The following HIVEP3 variants were observed in gnomAD, a reference collection of about 807,000 sequenced individuals.
HIVEP3 encodes the protein HIVEP zinc finger 3.
A neutral mutation model predicts 152.8 loss-of-function variants in HIVEP3; 49 were observed. The ratio of observed to expected loss-of-function variants is 0.32; its 90% CI spans 0.26 to 0.41. HIVEP3 has a LOEUF of 0.41. Among genes scored for constraint, HIVEP3 ranks in the 10% least tolerant of loss-of-function variants. HIVEP3 has a pLI of 1.00. For missense variants in HIVEP3, 2,790 were observed against 3,103.3 expected (o/e 0.90, Z 2.40); for synonymous variants, 1,269 against 1,289.0 (o/e 0.98, Z 0.33).
At chr1:41,628,673 G>T in intron 3 of HIVEP3, 76 bp downstream of exon 3, 1 of 1,055,236 alleles carries the variant, frequency 9.5e-7, no homozygotes, top group South Asian at 4.8e-5. Context: ...TTCAGAGGAA[G>T]AACTAAGCAA....
At chr1:41,649,246 G>C (rs1405244958) in intron 2 of HIVEP3, among the ~76,000 whole-genome samples, 2 of 152,226 alleles carry the variant, frequency 1.3e-5, no homozygotes, top group African/African-American at 4.8e-5. Context: ...GGGTTGGTAT[G>C]AATTGAAATG....
Position 41,580,801 on chromosome 1 carries a change from C to T in HIVEP3, c.3997G>A (p.Ala1333Thr), listed in dbSNP as rs149236887. Residue 1333 changes from alanine (A) to threonine (T), a missense_variant, in exon 4 of 9, where the codon GCA (alanine) becomes ACA (threonine). Ala to Thr is a moderately conservative substitution (Grantham distance 58). Around this residue, in one of 9 missense-constraint regions of HIVEP3, gnomAD observed 1,078 missense variants for 1,165.3 expected, o/e 0.93. Coordinates refer to ENST00000372583, the MANE Select transcript of HIVEP3 (RefSeq NM_024503.5). ...VQTNMPSYGSAMYTTLSQILV... is the reference protein window; with the variant it reads ...VQTNMPSYGSTMYTTLSQILV... ...ATCTGGGAAAGGGTGGTGTACATTG[C>T]GCTCCCATAGGACGGCATATTGGTC... 2.8e-5 allele frequency: 44 copies of T among 1,576,658 alleles called. No individual in the cohort carries two copies. The highest frequency in any genetic ancestry group is 4.0e-5 in the African/African-American group (3 of 74,162).
At chr1:41,975,370 G>A (rs1321133087) in intron 1 of HIVEP3, among the ~76,000 whole-genome samples, 1 of 152,162 alleles carries the variant, frequency 6.6e-6, no homozygotes, top group Non-Finnish European at 1.5e-5. Context: ...AAATGAATTT[G>A]TCCAAATCAC....
chr1:41,930,713 C>T (rs1644992443), intron 1 of HIVEP3, among the ~76,000 whole-genome samples: 1 of 152,102 alleles, frequency 6.6e-6, no homozygotes, highest in African/African-American at 2.4e-5. Context: ...GTGGTTGTAC[C>T]ATTGTGCATT....
chr1:41,511,202 G>A lies in HIVEP3; in HGVS notation c.6470C>T (p.Pro2157Leu), dbSNP rs1283520921. 1 of 1,613,980 alleles carries A rather than the reference G, an allele frequency of 6.2e-7. No homozygotes were observed. Among genetic ancestry groups the A allele is most frequent in the Non-Finnish European group, 8.5e-7 (1 of 1,179,982 alleles). Residue 2157 changes from proline (P) to leucine (L), a missense_variant, in exon 9 of 9, where the codon CCC becomes CTC. Around this residue, in one of 9 missense-constraint regions of HIVEP3, gnomAD observed 816 missense variants for 806.5 expected, o/e 1.01. Coordinates refer to ENST00000372583, the MANE Select transcript of HIVEP3 (RefSeq NM_024503.5). This position sits in a 1 kb window ranked among gnomAD's most constrained non-coding sequence, Gnocchi z 4.9. The stretch of plus-strand genomic sequence containing the variant: ...GTGGAAGTCATGGAGGGCGGAGAAG[G>A]GTCGGGAGGAGAGAGGATGAGCAGG... ...PGPAHPLSSR[P>L]FSALHDFHGH...
intron 1 of HIVEP3, among the ~76,000 whole-genome samples, chr1:41,900,853 G>C (rs1315315400): frequency 6.6e-6 from 1 of 152,164 alleles, no homozygotes; most frequent in Non-Finnish European, 1.5e-5. Flanking sequence ...TGGAGAAGTA[G>C]GCAGGGCCCA....
intron 1 of HIVEP3, among the ~76,000 whole-genome samples, chr1:41,977,525 T>C (rs754087771): frequency 2.0e-5 from 3 of 151,744 alleles, no homozygotes; most frequent in Non-Finnish European, 4.4e-5. Flanking sequence ...TCCCCCCATC[T>C]CTCCTGCAGC....
intron 2 of HIVEP3, among the ~76,000 whole-genome samples, chr1:41,634,667 C>G (rs1051069807): frequency 1.3e-5 from 2 of 151,978 alleles, no homozygotes; most frequent in Admixed American, 1.3e-4. Flanking sequence ...TGGAAAAAAG[C>G]AAATGGTAAC....
chr1:41,789,960 T>C (rs569186470), intron 1 of HIVEP3, among the ~76,000 whole-genome samples: 195 of 152,300 alleles, frequency 1.3e-3, no homozygotes, highest in Non-Finnish European at 2.5e-3. Context: ...AACACCCAGG[T>C]CAAATCCTCT....
At chr1:41,579,524 T>C (rs915396126) in intron 4 of HIVEP3, among the ~76,000 whole-genome samples, 3 of 152,378 alleles carry the variant, frequency 2.0e-5, no homozygotes, top group South Asian at 2.1e-4. Flanking sequence ...TTTATTGAAG[T>C]GTATCTATTC....
At chr1:41,763,218 A>G (rs1488227886) in intron 1 of HIVEP3, among the ~76,000 whole-genome samples, 1 of 152,214 alleles carries the variant, frequency 6.6e-6, no homozygotes, top group Non-Finnish European at 1.5e-5. Context: ...TCAAGGAGAC[A>G]TGCTGCTGAC....
rs189018707 is a variant in HIVEP3, at chr1:42,025,087, C to T, written n.119+10720G>A. Among the ~76,000 whole-genome samples, 81 of 152,284 alleles carry T rather than the reference C, an allele frequency of 5.3e-4. 1 individual carries two copies. The highest frequency in any genetic ancestry group is 1.9e-3 in the African/African-American group (77 of 41,574). On this transcript the variant is annotated intron_variant and non_coding_transcript_variant, in intron 1 of 3. Transcript: ENST00000489103. The stretch of plus-strand genomic sequence containing the variant: ...TCAATTCTGGAAAAAGCTCAAGCAT[C>T]GTCTCCTTGAATAGTTGTTTCTGCC...
At chr1:41,863,673 GATCTA>G (rs1244460719) in intron 1 of HIVEP3, among the ~76,000 whole-genome samples, 4 of 152,306 alleles carry the variant, frequency 2.6e-5, no homozygotes, top group African/African-American at 9.6e-5. Context: ...CGTCAAAATT[GATCTA>G]ACGGCACACA....
At chr1:41,799,634 A>T (rs1206129199) in intron 1 of HIVEP3, among the ~76,000 whole-genome samples, 1 of 152,138 alleles carries the variant, frequency 6.6e-6, no homozygotes, top group African/African-American at 2.4e-5. Flanking sequence ...ATCCCATTAG[A>T]TTCCCATCTC....
At chr1:41,788,066 C>T (rs1328690732) in intron 1 of HIVEP3, among the ~76,000 whole-genome samples, 1 of 152,194 alleles carries the variant, frequency 6.6e-6, no homozygotes, top group Non-Finnish European at 1.5e-5. Context: ...CGGTGCCACC[C>T]TCTGTCTACC....
At chr1:41,679,298 G>A (rs975512242) in intron 2 of HIVEP3, among the ~76,000 whole-genome samples, 4 of 152,200 alleles carry the variant, frequency 2.6e-5, no homozygotes, top group Non-Finnish European at 4.4e-5. Flanking sequence ...AACTCCCAGA[G>A]GCCAAGGTCC....
In HIVEP3 at chr1:41,887,630, A is replaced by G. The variant is rs142091727; in HGVS notation, c.-801+30783T>C. 2.4e-3 allele frequency among the ~76,000 whole-genome samples: 373 copies of G among 152,346 alleles called. 1 individual carries two copies. Among genetic ancestry groups the G allele is most frequent in the African/African-American group, 8.3e-3 (345 of 41,576 alleles). ...ATGATGAATTTGTAAACTGGATACCATCACTGCAGCCAGCACATGTGGCTT... is the reference window on the plus strand; with the variant it reads ...ATGATGAATTTGTAAACTGGATACCGTCACTGCAGCCAGCACATGTGGCTT... On this transcript the variant is annotated intron_variant, in intron 1 of 8. Transcript: ENST00000372583.
intron 1 of HIVEP3, among the ~76,000 whole-genome samples, chr1:41,829,513 G>A (rs1007676373): frequency 1.3e-5 from 2 of 152,040 alleles, no homozygotes; most frequent in Non-Finnish European, 2.9e-5. Context: ...GGAAGTCATT[G>A]TTCTATTGCT....
upstream of HIVEP3, among the ~76,000 whole-genome samples, chr1:41,919,343 G>C (rs991601307): frequency 6.6e-6 from 1 of 152,152 alleles, no homozygotes; most frequent in Non-Finnish European, 1.5e-5. Context: ...ATCAGGGGCC[G>C]GGGAGCCTCA....
Sources: gnomAD v4.1 joint callset for allele counts (sites outside exome capture counted in the v4.1 genomes callset) on GRCh38, gnomAD v4.1.1 for gene constraint, gnomAD v4.1.1 regional missense constraint, Gnocchi (gnomAD v3.1) non-coding constraint, MANE v1.5 for transcripts, NCBI Gene and HGNC (gene_info 2026-07-23, HGNC 2026-07-21) for gene names.